ERC2: variants seen among roughly 807,000 people sequenced by gnomAD.
The protein encoded by ERC2 is ERC protein 2.
A neutral mutation model predicts 114.8 loss-of-function variants in ERC2; 42 were observed. The ratio of observed to expected loss-of-function variants is 0.37; its 90% CI spans 0.29 to 0.47. The LOEUF (loss-of-function observed/expected upper bound fraction) is 0.47. Among genes scored for constraint, ERC2 ranks in the 20% least tolerant of loss-of-function variants. ERC2 has a pLI of 0.99. For synonymous variants in ERC2, 454 were observed against 425.5 expected (o/e 1.07, Z -0.82); for missense variants, 939 against 1,150.7 (o/e 0.82, Z 2.66).
intron 14 of ERC2, among the ~76,000 whole-genome samples, chr3:55,835,800 A>G (rs1434821587): frequency 6.6e-6 from 1 of 152,050 alleles, no homozygotes; most frequent in Non-Finnish European, 1.5e-5. Context: ...TTAGGAAAAG[A>G]GGAAGTCAGA....
At chr3:56,285,113 C>T (rs191853877) in intron 3 of ERC2, among the ~76,000 whole-genome samples, 7 of 144,108 alleles carry the variant, frequency 4.9e-5, no homozygotes, top group Admixed American at 6.9e-5. Flanking sequence ...ATCCCTACCT[C>T]CCCCCAGCAC....
chr3:55,851,197 G>T (rs1272098023), intron 14 of ERC2, among the ~76,000 whole-genome samples: 1 of 137,158 alleles, frequency 7.3e-6, no homozygotes, highest in Admixed American at 7.1e-5. Context: ...TTAAGCCCAT[G>T]CTGGGAGTTG....
rs537691542 is a variant in ERC2 at position 56,256,667 on chromosome 3, G to T, written c.1074+39352C>A. ...GAATTCTAATTCCCACATGTCGAGG[G>T]AGGGACCTGTAATCCCCATGTGTTG... is the stretch of plus-strand genomic sequence containing the variant. On this transcript the variant is annotated intron_variant, in intron 3 of 17. Coordinates refer to ENST00000288221, the MANE Select transcript of ERC2 (RefSeq NM_015576.3). 6.0e-4 allele frequency among the ~76,000 whole-genome samples: 91 copies of T among 152,234 alleles called. 1 individual carries two copies. Among genetic ancestry groups the T allele is most frequent in the African/African-American group, 2.1e-3 (87 of 41,548 alleles).
chr3:55,739,276 G>C (rs1177718675), intron 14 of ERC2, among the ~76,000 whole-genome samples: 1 of 152,174 alleles, frequency 6.6e-6, no homozygotes, highest in African/African-American at 2.4e-5. Context: ...TATATACCCA[G>C]TAATGGGATT....
intron 15 of ERC2, among the ~76,000 whole-genome samples, chr3:55,703,139 A>T (rs2063311376): frequency 6.6e-6 from 1 of 150,904 alleles, no homozygotes; most frequent in Non-Finnish European, 1.5e-5. Flanking sequence ...CTGCACTCTC[A>T]CCTCCCATTG....
chr3:56,289,562 C>A (rs529647584), intron 3 of ERC2, among the ~76,000 whole-genome samples: 12 of 152,272 alleles, frequency 7.9e-5, no homozygotes, highest in African/African-American at 2.9e-4. Context: ...TTATTTCCTT[C>A]CCCCACTGAA....
chr3:56,229,777 T>C (rs951613327), intron 3 of ERC2, among the ~76,000 whole-genome samples: 1 of 151,118 alleles, frequency 6.6e-6, no homozygotes, highest in African/African-American at 2.4e-5. Context: ...ACATTCTAAC[T>C]AGTACATGGA....
intron 6 of ERC2, among the ~76,000 whole-genome samples, chr3:56,103,064 A>G (rs2078446272): frequency 6.6e-6 from 1 of 152,116 alleles, no homozygotes. Flanking sequence ...TAGGGGAGGG[A>G]GAGAGTCCTA....
intron 17 of ERC2, among the ~76,000 whole-genome samples, chr3:55,578,301 T>C (rs2057087516): frequency 6.6e-6 from 1 of 152,222 alleles, no homozygotes; most frequent in Non-Finnish European, 1.5e-5. Flanking sequence ...CCATGAGGTC[T>C]GGTCCCTGCG....
chr3:55,869,165 A>G (rs750454568), intron 14 of ERC2, among the ~76,000 whole-genome samples: 2 of 152,210 alleles, frequency 1.3e-5, no homozygotes, highest in Non-Finnish European at 2.9e-5. Context: ...AGCTTGGGAT[A>G]AATGACTTGG....
chr3:55,701,756 T>C (rs1471460450), intron 15 of ERC2, among the ~76,000 whole-genome samples: 1 of 152,204 alleles, frequency 6.6e-6, no homozygotes, highest in East Asian at 1.9e-4. Context: ...AGTACTGAGA[T>C]TCCCCTCAGC....
At chr3:55,747,493 C>T (rs772943343) in intron 14 of ERC2, among the ~76,000 whole-genome samples, 4 of 152,048 alleles carry the variant, frequency 2.6e-5, no homozygotes, top group Non-Finnish European at 5.9e-5. Flanking sequence ...ACTGAAAGTC[C>T]AAATGAGTGA....
chr3:55,795,467 T>C (rs1454130211), intron 14 of ERC2, among the ~76,000 whole-genome samples: 1 of 152,196 alleles, frequency 6.6e-6, no homozygotes, highest in Non-Finnish European at 1.5e-5. Flanking sequence ...CCCTGAATCA[T>C]AAAGCTGTAC....
chr3:55,829,976 C>G (rs1452993559), intron 14 of ERC2, among the ~76,000 whole-genome samples: 3 of 152,070 alleles, frequency 2.0e-5, no homozygotes, highest in Non-Finnish European at 2.9e-5. Flanking sequence ...CAACTTCAAA[C>G]AGGAGAAACA....
chr3:55,534,867 A>G (rs1575500293), intron 17 of ERC2, among the ~76,000 whole-genome samples: 1 of 152,308 alleles, frequency 6.6e-6, no homozygotes, highest in East Asian at 1.9e-4. Flanking sequence ...CAGGACCCAA[A>G]CAGAACAGTG....
chr3:55,539,581 C>T (rs1234995155), intron 17 of ERC2, among the ~76,000 whole-genome samples: 1 of 151,566 alleles, frequency 6.6e-6, no homozygotes, highest in Admixed American at 6.6e-5. Flanking sequence ...TGCCACCATA[C>T]CAGGCTGATT....
At chr3:55,894,492 C>T (rs542357397) in intron 13 of ERC2, among the ~76,000 whole-genome samples, 1 of 152,262 alleles carries the variant, frequency 6.6e-6, no homozygotes, top group African/African-American at 2.4e-5. Context: ...TACATAGGTA[C>T]GTTGCATGTG....
intron 12 of ERC2, among the ~76,000 whole-genome samples, chr3:55,977,866 G>A (rs536245337): frequency 4.0e-4 from 61 of 152,192 alleles, no homozygotes; most frequent in Admixed American, 9.2e-4. Flanking sequence ...AGTATGCAGA[G>A]GTGAAAAAGA....
In ERC2 at chr3:55,798,597, C is replaced by CAAA. The variant is rs769555442; in HGVS notation, c.2565-63682_2565-63680dup. On this transcript the variant is annotated intron_variant, in intron 14 of 17. Transcript: ENST00000288221. The stretch of plus-strand genomic sequence containing the variant: ...TGGGTGACAGAGCAAGACTTCGTTT[C>CAAA]AAAAAAAAAAAAAAAGAAAGAAAGA... 5.5e-5 allele frequency among the ~76,000 whole-genome samples: 5 copies of CAAA among 90,148 alleles called. No homozygotes were observed. The East Asian group carries it at 1.6e-3, about 29-fold the overall frequency. 59.1% of individuals were successfully genotyped at this position (90,148 alleles called of 152,430 possible).
Sources: allele counts gnomAD v4.1 joint callset (sites outside exome capture counted in the v4.1 genomes callset), GRCh38; gene constraint gnomAD v4.1.1; transcripts MANE v1.5; gene names NCBI Gene and HGNC (gene_info 2026-07-23, HGNC 2026-07-21).